Variants in CAND2 observed in about 807,000 individuals in gnomAD.
CAND2 encodes cullin-associated NEDD8-dissociated protein 2.
Under a neutral mutation model 98.9 loss-of-function variants are expected in CAND2, and 62 were observed. The observed-to-expected ratio is 0.63, with a 90% confidence interval of 0.51 to 0.77. The LOEUF is 0.77. CAND2 is among the 30% of genes least tolerant of loss of function. The pLI is 0.00. For missense variants in CAND2, 1,501 were observed against 1,655.2 expected (o/e 0.91, Z 1.62); for synonymous variants, 770 against 731.9 (o/e 1.05, Z -0.84).
chr3:12,834,381 G>A lies in CAND2; in HGVS notation c.*399G>A. The A allele has an allele frequency of 5.3e-6, 1 of 188,518 alleles. No homozygotes were observed. The allele number at this position is 188,518 out of a possible 1,614,324, so 11.7% of individuals were successfully genotyped here. ...TCAGGAGGCAGCAGACACCACTCTG[G>A]TTTCTTCACTGCATTCAGCAATGCC... On this transcript the variant is annotated 3_prime_UTR_variant, in exon 15 of 15. Transcript: ENST00000456430.
intron 11 of CAND2, among the ~76,000 whole-genome samples, chr3:12,821,114 A>G (rs2061953967): frequency 1.3e-5 from 2 of 152,058 alleles, no homozygotes; most frequent in South Asian, 4.1e-4. Flanking sequence ...GGCACCTGTA[A>G]TCCCAGCTAC....
chr3:12,816,588 G>A lies in CAND2; in HGVS notation c.1656G>A (p.Leu552=), dbSNP rs1266926792. The change falls in exon 10 of 15, where the codon CTG becomes CTA. Residue 552 remains leucine, a synonymous_variant. Transcript: ENST00000456430. ...TGCTGCAGGAGCTGGTGCGGGCCCTGTGGCCGCTGCACAGGCCTCGGATGC... is the reference window on the plus strand; with the variant it reads ...TGCTGCAGGAGCTGGTGCGGGCCCTATGGCCGCTGCACAGGCCTCGGATGC... ...LVVLQELVRA[L]WPLHRPRMLD... 4 of 1,613,922 alleles carry A rather than the reference G, an allele frequency of 2.5e-6. No individual in the cohort carries two copies. Among genetic ancestry groups the A allele is most frequent in the South Asian group, 1.1e-5 (1 of 91,078 alleles).
In CAND2 at chr3:12,815,316, T is replaced by C. The variant is rs1295488231; in HGVS notation, c.1182T>C (p.Ala394=). ...AAGAACGCGAGGAGAACGTCAAGGCTGACGTCTTCACTGCTTACATCGTGC... is the reference window on the plus strand; with the variant it reads ...AAGAACGCGAGGAGAACGTCAAGGCCGACGTCTTCACTGCTTACATCGTGC... ...RFKEREENVK[A]DVFTAYIVLL... is the part of the protein sequence containing the mutation. The change falls in exon 8 of 15, where the codon GCT becomes GCC. Residue 394 remains alanine (A), a synonymous_variant. Transcript: ENST00000456430. The surrounding 1 kb of genome is among the most constrained non-coding windows in gnomAD (Gnocchi z 5.7). 1 of 1,614,028 alleles carries C rather than the reference T, an allele frequency of 6.2e-7. No individual in the cohort carries two copies. Among genetic ancestry groups the C allele is most frequent in the South Asian group, 1.1e-5 (1 of 91,090 alleles).
chr3:12,815,078 C>G lies in CAND2; in HGVS notation c.1007-63C>G. On this transcript the variant is annotated intron_variant, in intron 7 of 14. Coordinates refer to ENST00000456430, the MANE Select transcript of CAND2 (RefSeq NM_001162499.2). This position sits in a 1 kb window ranked among gnomAD's most constrained non-coding sequence, Gnocchi z 5.7. Reference sequence around the variant, plus strand: ...GCTCTCTCTCCTCCCTGTCCCTTCTCCCCCGAGCCACAGACCTGTCCTGGG... The same window carrying G: ...GCTCTCTCTCCTCCCTGTCCCTTCTGCCCCGAGCCACAGACCTGTCCTGGG... The G allele has an allele frequency of 7.2e-6, 11 of 1,526,764 alleles. No individual in the cohort carries two copies. Among genetic ancestry groups the G allele is most frequent in the Middle Eastern group, 3.5e-4 (2 of 5,724 alleles). The allele number at this position is 1,526,764 out of a possible 1,614,324, so 94.6% of individuals were successfully genotyped here. A position where few individuals can be genotyped will look rare whatever the true frequency, so the allele number is the denominator to read the frequency against.
chr3:12,816,626 C>T lies in CAND2; in HGVS notation c.1694C>T (p.Pro565Leu). Reference protein sequence around the residue: ...LHRPRMLDPEPYVGEMSAVTL... With the variant: ...LHRPRMLDPELYVGEMSAVTL... ...AGGCCTCGGATGCTGGATCCTGAGC[C>T]ATATGTTGGAGAGATGTCTGCTGTC... Residue 565 changes from proline (P) to leucine (L), a missense_variant, in exon 10 of 15, where the codon CCA (proline) becomes CTA (leucine). By Grantham distance (98) the Pro-to-Leu change is moderately conservative (BLOSUM62 -3). Coordinates refer to ENST00000456430, the MANE Select transcript of CAND2 (RefSeq NM_001162499.2). The T allele has an allele frequency of 6.2e-7, 1 of 1,613,898 alleles. No individual in the cohort carries two copies.
intron 4 of CAND2, among the ~76,000 whole-genome samples, 182 bp downstream of exon 4, chr3:12,808,515 G>C (rs541580809): frequency 6.6e-6 from 1 of 152,134 alleles, no homozygotes; most frequent in African/African-American, 2.4e-5. Context: ...GAGATGATGC[G>C]GTCAGTAAAA....
intron 1 of CAND2, among the ~76,000 whole-genome samples, chr3:12,797,172 C>G (rs1232260245): frequency 7.4e-6 from 1 of 134,506 alleles, no homozygotes; most frequent in Non-Finnish European, 1.6e-5. Context: ...AGCGCCCCCT[C>G]CCCCCCGCCC....
Position 12,815,091 on chromosome 3 carries a change from G to A in CAND2, c.1007-50G>A. 1 of 1,558,348 alleles carries A rather than the reference G, an allele frequency of 6.4e-7. No individual in the cohort carries two copies. Among genetic ancestry groups the A allele is most frequent in the Non-Finnish European group, 8.7e-7 (1 of 1,144,696 alleles). ...CCTGTCCCTTCTCCCCCGAGCCACA[G>A]ACCTGTCCTGGGAGATGAGGGTTCC... is the stretch of plus-strand genomic sequence containing the variant. On this transcript the variant is annotated intron_variant, in intron 7 of 14. Transcript: ENST00000456430. This position sits in a 1 kb window ranked among gnomAD's most constrained non-coding sequence, Gnocchi z 5.7.
At chr3:12,829,470 T>G (rs775844913) in intron 13 of CAND2, among the ~76,000 whole-genome samples, 5 of 152,200 alleles carry the variant, frequency 3.3e-5, no homozygotes, top group Non-Finnish European at 7.3e-5. Context: ...TTAAAAAATA[T>G]GTACTGTAAG....
At chr3:12,823,986 A>G (rs1445941793) in intron 11 of CAND2, among the ~76,000 whole-genome samples, 1 of 152,196 alleles carries the variant, frequency 6.6e-6, no homozygotes, top group African/African-American at 2.4e-5. Flanking sequence ...TATTAAGTAT[A>G]TAAAACATTA....
chr3:12,824,147 A>C (rs2061981021), intron 11 of CAND2, among the ~76,000 whole-genome samples: 1 of 151,852 alleles, frequency 6.6e-6, no homozygotes, highest in Admixed American at 6.6e-5. Flanking sequence ...TCTCTAAAAA[A>C]ATTTTTTTTT....
rs536156339 is a variant in CAND2 at position 12,831,173 on chromosome 3, G to A, written c.3376-292G>A. Among the ~76,000 whole-genome samples the A allele has an allele frequency of 2.0e-3, 304 of 152,288 alleles. 2 individuals are homozygous for A. Among genetic ancestry groups the A allele is most frequent in the African/African-American group, 7.2e-3 (298 of 41,556 alleles). On this transcript the variant is annotated intron_variant, in intron 13 of 14. Coordinates refer to ENST00000456430, the MANE Select transcript of CAND2 (RefSeq NM_001162499.2). The stretch of plus-strand genomic sequence containing the variant: ...ACACTCAGCCAGAGCTGCCCCAGCA[G>A]CCCCCTTCACTCATCCCCAGCATCT...
chr3:12,821,051 C>T (rs1422033048), intron 11 of CAND2, among the ~76,000 whole-genome samples: 14 of 152,022 alleles, frequency 9.2e-5, no homozygotes, highest in Admixed American at 5.9e-4. Context: ...CTGGCCAACA[C>T]GGTGAAACCC....
chr3:12,830,911 T>G (rs1349013985), intron 13 of CAND2, among the ~76,000 whole-genome samples: 7 of 152,212 alleles, frequency 4.6e-5, no homozygotes, highest in Non-Finnish European at 8.8e-5. Context: ...CCAGTCTTTA[T>G]GGTGTGCAAG....
At chr3:12,814,120 C>G (rs751880071) in intron 7 of CAND2, among the ~76,000 whole-genome samples, 1 of 152,200 alleles carries the variant, frequency 6.6e-6, no homozygotes, top group Non-Finnish European at 1.5e-5. Context: ...TCGTGGGTGG[C>G]CTACTGTGGG....
chr3:12,810,498 C>CT (rs2124844922), intron 5 of CAND2, among the ~76,000 whole-genome samples, 174 bp downstream of exon 5: 1 of 137,890 alleles, frequency 7.3e-6, no homozygotes, highest in South Asian at 2.6e-4. Context: ...TGGGTGGGGC[C>CT]TGGGGCGGGC....
rs1010639976 is a variant in CAND2 at position 12,810,168 on chromosome 3, C to T, written c.601C>T (p.His201Tyr). The change falls in exon 5 of 15, where the codon CAC becomes TAC. Residue 201 changes from histidine (H) to tyrosine (Y), a missense_variant. His to Tyr is a moderately conservative substitution (Grantham distance 83). This residue lies in a region of CAND2 where 1,427 missense variants were observed against 1,545.3 expected (regional missense o/e 0.92). Transcript: ENST00000456430. ...CAAGCGGGCGGTCGGAGCGCTTGGC[C>T]ACCTGGCGGCCGCCTGCAGCACCGA... ...VRKRAVGALG[H>Y]LAAACSTDLF... is the part of the protein sequence containing the mutation. 4 of 1,530,186 alleles carry T rather than the reference C, an allele frequency of 2.6e-6. No individual in the cohort carries two copies. Among genetic ancestry groups the T allele is most frequent in the Non-Finnish European group, 8.7e-7 (1 of 1,144,440 alleles). The allele number at this position is 1,530,186 out of a possible 1,614,324, so 94.8% of individuals were successfully genotyped here.
chr3:12,806,696 TAC>T (rs1015717864), intron 2 of CAND2, among the ~76,000 whole-genome samples: 12 of 152,198 alleles, frequency 7.9e-5, no homozygotes, highest in African/African-American at 2.9e-4. Flanking sequence ...CCGCTGTTTT[TAC>T]ACTTTCCTGT....
Position 12,815,527 on chromosome 3 carries a change from C to A in CAND2, c.1299+94C>A. 7.6e-7 allele frequency: 1 copy of A among 1,316,820 alleles called. No homozygotes were observed. Among genetic ancestry groups the A allele is most frequent in the Non-Finnish European group, 1.0e-6 (1 of 959,144 alleles). The allele number at this position is 1,316,820 out of a possible 1,614,324, so 81.6% of individuals were successfully genotyped here. Reference sequence around the variant, plus strand: ...GGACTTGGAAACTCAGCTGGGAGAACATCCAGCCATGGAAGGGAAGGGAAG... The same window carrying A: ...GGACTTGGAAACTCAGCTGGGAGAAAATCCAGCCATGGAAGGGAAGGGAAG... On this transcript the variant is annotated intron_variant, in intron 8 of 14. Coordinates refer to ENST00000456430, the MANE Select transcript of CAND2 (RefSeq NM_001162499.2). The surrounding 1 kb of genome is among the most constrained non-coding windows in gnomAD (Gnocchi z 5.7).
Sources: gnomAD v4.1 joint callset for allele counts (sites outside exome capture counted in the v4.1 genomes callset) on GRCh38, gnomAD v4.1.1 for gene constraint, gnomAD v4.1.1 regional missense constraint, Gnocchi (gnomAD v3.1) non-coding constraint, MANE v1.5 for transcripts, NCBI Gene and HGNC (gene_info 2026-07-23, HGNC 2026-07-21) for gene names.